DPP10: variants seen among roughly 807,000 people sequenced by gnomAD.
The protein encoded by DPP10 is inactive dipeptidyl peptidase 10.
A neutral mutation model predicts 120.9 loss-of-function variants in DPP10; 33 were observed. The ratio of observed to expected loss-of-function variants is 0.27; its 90% CI spans 0.21 to 0.37. The LOEUF is 0.37. DPP10 is among the 10% of genes least tolerant of loss of function. DPP10 has a pLI of 1.00. For synonymous variants in DPP10, 337 were observed against 326.1 expected, an observed-to-expected ratio of 1.03 and a Z score of -0.36; for missense variants, 816 against 942.8, an observed-to-expected ratio of 0.87 and a Z score of 1.76.
rs1697340155 is a variant in DPP10, at chr2:114,660,780, A to G, written c.60+217942A>G. ...TAGAATTTACAGTTTACTTGGCAGT[A>G]AGTACTGGCTCTCAAATAATTTTAA... On this transcript the variant is annotated intron_variant, in intron 1 of 25. Coordinates refer to ENST00000410059, the MANE Select transcript of DPP10 (RefSeq NM_020868.6). 2.0e-5 allele frequency among the ~76,000 whole-genome samples: 3 copies of G among 152,212 alleles called. No individual in the cohort carries two copies. In the South Asian group the frequency reaches 6.2e-4, roughly 31 times the overall value.
chr2:115,392,029 A>G (rs1022500155), intron 3 of DPP10, among the ~76,000 whole-genome samples: 4 of 152,158 alleles, frequency 2.6e-5, no homozygotes, highest in African/African-American at 9.7e-5. Context: ...CAGGACAAAT[A>G]AGTTCTCATC....
chr2:114,888,138 G>A (rs867255755), intron 1 of DPP10, among the ~76,000 whole-genome samples: 4 of 132,776 alleles, frequency 3.0e-5, no homozygotes, highest in Non-Finnish European at 3.1e-5. Context: ...GCGAGCCTCC[G>A]TCTCAAAAAA....
intron 1 of DPP10, among the ~76,000 whole-genome samples, chr2:114,677,556 C>A (rs202146446): frequency 3.3e-5 from 5 of 152,066 alleles, no homozygotes; most frequent in Non-Finnish European, 7.4e-5. Context: ...GTCCTCACAA[C>A]GGTCCACTGA....
chr2:115,284,693 C>A (rs965516513), intron 1 of DPP10, among the ~76,000 whole-genome samples: 2 of 151,718 alleles, frequency 1.3e-5, no homozygotes, highest in African/African-American at 4.8e-5. Context: ...GAGGGGAAAA[C>A]ATGGGAGTTA....
At chr2:115,624,054 A>G (rs904781538) in intron 5 of DPP10, among the ~76,000 whole-genome samples, 5 of 152,096 alleles carry the variant, frequency 3.3e-5, no homozygotes, top group African/African-American at 1.2e-4. Context: ...GGTAATGTCA[A>G]TTCAAAGCGT....
At chr2:115,489,157 A>C (rs1376851902) in intron 3 of DPP10, among the ~76,000 whole-genome samples, 2 of 152,126 alleles carry the variant, frequency 1.3e-5, no homozygotes, top group Non-Finnish European at 2.9e-5. Context: ...TTTGCGGGCC[A>C]TATTTTCTCT....
chr2:115,117,180 T>A (rs1019213272), intron 1 of DPP10, among the ~76,000 whole-genome samples: 2 of 152,216 alleles, frequency 1.3e-5, no homozygotes, highest in Non-Finnish European at 2.9e-5. Flanking sequence ...GCTTGCTTAA[T>A]GTTTGACCAG....
intron 1 of DPP10, among the ~76,000 whole-genome samples, chr2:114,491,332 A>T (rs1681982828): frequency 6.6e-6 from 1 of 152,352 alleles, no homozygotes; most frequent in African/African-American, 2.4e-5. Context: ...TAATGGATTT[A>T]TATTATTCCA....
chr2:114,814,713 A>G (rs1685480460), intron 1 of DPP10, among the ~76,000 whole-genome samples: 1 of 152,034 alleles, frequency 6.6e-6, no homozygotes, highest in Admixed American at 6.6e-5. Flanking sequence ...GACTCCATTG[A>G]TGGACGTTCA....
chr2:115,715,533 C>G (rs1342652837), intron 7 of DPP10, among the ~76,000 whole-genome samples: 1 of 152,040 alleles, frequency 6.6e-6, no homozygotes, highest in Non-Finnish European at 1.5e-5. Flanking sequence ...TATAAACATA[C>G]CATACCATAT....
At chr2:115,713,936 A>C (rs1447922825) in intron 7 of DPP10, among the ~76,000 whole-genome samples, 1 of 152,162 alleles carries the variant, frequency 6.6e-6, no homozygotes, top group African/African-American at 2.4e-5. Flanking sequence ...CCAGAAGTCC[A>C]CTGCTCATTT....
chr2:114,840,501 T>G (rs1209373662), intron 1 of DPP10, among the ~76,000 whole-genome samples: 1 of 152,148 alleles, frequency 6.6e-6, no homozygotes, highest in Non-Finnish European at 1.5e-5. Flanking sequence ...AGACCTCGAA[T>G]TTTAAAATAT....
intron 1 of DPP10, among the ~76,000 whole-genome samples, chr2:115,070,463 T>C (rs966866190): frequency 2.6e-5 from 4 of 152,162 alleles, no homozygotes; most frequent in African/African-American, 9.6e-5. Context: ...TTTAGTACCA[T>C]GTCAAATCAC....
chr2:115,296,976 CAAG>C (rs1181323984), intron 1 of DPP10, among the ~76,000 whole-genome samples: 2 of 152,008 alleles, frequency 1.3e-5, no homozygotes, highest in African/African-American at 4.8e-5. Context: ...AGTTAATCCT[CAAG>C]AACGATTATG....
At chr2:115,447,836 T>C (rs552739320) in intron 3 of DPP10, among the ~76,000 whole-genome samples, 20 of 152,296 alleles carry the variant, frequency 1.3e-4, no homozygotes, top group African/African-American at 4.3e-4. Context: ...AAATGGGCTA[T>C]TATAGTCAGT....
At chr2:115,355,339 G>T (rs186083573) in intron 3 of DPP10, among the ~76,000 whole-genome samples, 3 of 151,940 alleles carry the variant, frequency 2.0e-5, no homozygotes, top group Non-Finnish European at 2.9e-5. Context: ...TCATATGTTT[G>T]TTGGCCGTGT....
chr2:115,758,359 C>G (rs191399966), intron 11 of DPP10, among the ~76,000 whole-genome samples: 1 of 151,974 alleles, frequency 6.6e-6, no homozygotes, highest in South Asian at 2.1e-4. Context: ...CCACTAAAAC[C>G]CTTAAAACTT....
At chr2:114,639,537 A>G (rs1395542970) in intron 1 of DPP10, among the ~76,000 whole-genome samples, 2 of 151,902 alleles carry the variant, frequency 1.3e-5, no homozygotes, top group East Asian at 3.9e-4. Flanking sequence ...TTGAAAAACT[A>G]CTTATTGAGT....
intron 1 of DPP10, among the ~76,000 whole-genome samples, chr2:114,574,089 AT>A (rs1689864788): frequency 6.6e-6 from 1 of 152,162 alleles, no homozygotes; most frequent in Non-Finnish European, 1.5e-5. Flanking sequence ...TTATGCAATG[AT>A]GGGGAAGAAA....
Sources: gnomAD v4.1 joint callset for allele counts (sites outside exome capture counted in the v4.1 genomes callset) on GRCh38, gnomAD v4.1.1 for gene constraint, MANE v1.5 for transcripts, NCBI Gene and HGNC (gene_info 2026-07-23, HGNC 2026-07-21) for gene names.